Variants in TSPAN12 observed in about 807,000 individuals in gnomAD.
TSPAN12 encodes tetraspanin 12, also known as tetraspanin-12.
A neutral mutation model predicts 39.2 loss-of-function variants in TSPAN12; 19 were observed. That is an observed-to-expected ratio of 0.49 (90% CI 0.34 to 0.71). The LOEUF is 0.71. Ranked by LOEUF, TSPAN12 falls within the 30% of genes least tolerant of loss-of-function variation. The pLI is 0.01. For missense variants in TSPAN12, 314 were observed against 359.9 expected (o/e 0.87, Z 1.03); for synonymous variants, 119 against 124.8 (o/e 0.95, Z 0.31).
intron 6 of TSPAN12, 131 bp from the exon 7 acceptor site, chr7:120,806,823 C>T (rs1793884541): frequency 2.7e-6 from 3 of 1,109,548 alleles, no homozygotes; most frequent in Admixed American, 2.0e-5. Context: ...GATATATGTA[C>T]AGTCTATGTT....
At chr7:120,846,683 T>C (rs1044387864) in intron 2 of TSPAN12, among the ~76,000 whole-genome samples, 2 of 152,182 alleles carry the variant, frequency 1.3e-5, no homozygotes, top group African/African-American at 4.8e-5. Context: ...TGATGAACAG[T>C]AACAGACACT....
At chr7:120,790,821 T>C (rs1793507808) in intron 7 of TSPAN12, among the ~76,000 whole-genome samples, 1 of 152,236 alleles carries the variant, frequency 6.6e-6, no homozygotes, top group South Asian at 2.1e-4. Flanking sequence ...AAAATTAATT[T>C]GCATGGCAAC....
Position 120,788,377 on chromosome 7 carries a change from T to C in TSPAN12, c.*215A>G, listed in dbSNP as rs1309380433. On this transcript the variant is annotated 3_prime_UTR_variant, in exon 8 of 8. Coordinates refer to ENST00000222747, the MANE Select transcript of TSPAN12 (RefSeq NM_012338.4). ...GGCTACACAGTGGGTATGACATCTG[T>C]CTTCAGCATTTTAAGGGCATCAATT... 3.4e-6 allele frequency: 2 copies of C among 589,206 alleles called. No homozygotes were observed. The highest frequency in any genetic ancestry group is 3.0e-6 in the Non-Finnish European group (1 of 335,932). 36.5% of individuals were successfully genotyped at this position (589,206 alleles called of 1,614,324 possible). A position where few individuals can be genotyped will look rare whatever the true frequency, so the allele number is the denominator to read the frequency against.
chr7:120,820,286 A>G (rs367657414), intron 4 of TSPAN12, among the ~76,000 whole-genome samples: 15 of 152,224 alleles, frequency 9.9e-5, no homozygotes, highest in East Asian at 3.9e-4. Flanking sequence ...TCCTTGTGTC[A>G]GTTTGCTTAT....
intron 7 of TSPAN12, among the ~76,000 whole-genome samples, chr7:120,789,986 C>G (rs1229133727): frequency 6.6e-6 from 1 of 152,160 alleles, no homozygotes; most frequent in Non-Finnish European, 1.5e-5. Flanking sequence ...TTTTCATGCA[C>G]TATGCGAATG....
Position 120,787,729 on chromosome 7 carries a change from T to TTTC in TSPAN12, c.*860_*862dup, listed in dbSNP as rs1173059780. On this transcript the variant is annotated 3_prime_UTR_variant, in exon 8 of 8. Transcript: ENST00000222747. ...TGAATCAACTAAGTTATGTGCAAATTTTCTTATTAATACTTCCTAAAGACC... is the reference window on the plus strand; with the variant it reads ...TGAATCAACTAAGTTATGTGCAAATTTTCTTCTTATTAATACTTCCTAAAGACC... 2 of 152,208 alleles carry TTTC rather than the reference T, an allele frequency of 1.3e-5. No homozygotes were observed. Among genetic ancestry groups the TTTC allele is most frequent in the Non-Finnish European group, 2.9e-5 (2 of 68,002 alleles). 9.4% of individuals were successfully genotyped at this position (152,208 alleles called of 1,614,324 possible). A position where few individuals can be genotyped will look rare whatever the true frequency, so the allele number is the denominator to read the frequency against.
At chr7:120,802,973 T>C (rs1793803049) in intron 7 of TSPAN12, among the ~76,000 whole-genome samples, 1 of 152,224 alleles carries the variant, frequency 6.6e-6, no homozygotes, top group African/African-American at 2.4e-5. Context: ...TACTGAAGAA[T>C]GATTGCAGGA....
Position 120,818,218 on chromosome 7 carries a change from G to A in TSPAN12, c.286-2415C>T, listed in dbSNP as rs149784664. On this transcript the variant is annotated intron_variant, in intron 4 of 7. Transcript: ENST00000222747. ...TGGGGTACAGGGTATGCAAGTAGAC[G>A]TTATGATGTGCCAAGAAACAGATCA... Among the ~76,000 whole-genome samples the A allele has an allele frequency of 7.5e-4, 114 of 152,196 alleles. 2 individuals carry two copies. The East Asian group carries it at 0.02, about 26-fold the overall frequency.
intron 4 of TSPAN12, among the ~76,000 whole-genome samples, chr7:120,831,956 A>C (rs1794398208): frequency 6.6e-6 from 1 of 152,084 alleles, no homozygotes; most frequent in East Asian, 1.9e-4. Context: ...GATAATTACA[A>C]ATAAAAAATT....
chr7:120,796,832 T>C (rs1042947281), intron 7 of TSPAN12, among the ~76,000 whole-genome samples: 1 of 149,512 alleles, frequency 6.7e-6, no homozygotes, highest in East Asian at 1.9e-4. Flanking sequence ...TGTCCTCCAC[T>C]TGATCCACAG....
intron 4 of TSPAN12, among the ~76,000 whole-genome samples, chr7:120,831,160 G>A (rs1437824084): frequency 1.3e-5 from 2 of 151,994 alleles, no homozygotes; most frequent in Non-Finnish European, 2.9e-5. Context: ...ATGTTGGCAA[G>A]GCTGTGGGGG....
chr7:120,798,098 T>C (rs1163623321), intron 7 of TSPAN12, among the ~76,000 whole-genome samples: 4 of 152,186 alleles, frequency 2.6e-5, no homozygotes, highest in Non-Finnish European at 5.9e-5. Flanking sequence ...TTTGATTGAA[T>C]AGACAGAATA....
intron 7 of TSPAN12, among the ~76,000 whole-genome samples, chr7:120,799,455 A>G (rs1343427778): frequency 7.4e-6 from 1 of 135,652 alleles, no homozygotes; most frequent in Non-Finnish European, 1.5e-5. Context: ...ATTTATATAT[A>G]ATTTAATTAC....
intron 2 of TSPAN12, among the ~76,000 whole-genome samples, chr7:120,843,776 A>G (rs1414310615): frequency 6.6e-6 from 1 of 152,190 alleles, no homozygotes; most frequent in Non-Finnish European, 1.5e-5. Context: ...GAACATATTA[A>G]AACACACAGA....
intron 7 of TSPAN12, among the ~76,000 whole-genome samples, chr7:120,789,394 C>T (rs1367517729): frequency 2.6e-5 from 4 of 152,152 alleles, no homozygotes; most frequent in Admixed American, 2.0e-4. Flanking sequence ...ACAATGTTTA[C>T]GATTTAATAA....
chr7:120,806,460 A>T (rs975610569), intron 7 of TSPAN12, 89 bp downstream of exon 7: 4 of 1,484,892 alleles, frequency 2.7e-6, no homozygotes, highest in Non-Finnish European at 3.7e-6. Flanking sequence ...TAGACAGAGA[A>T]GGAAAATTTC....
chr7:120,833,395 CAACA>C (rs1288172941), intron 4 of TSPAN12, among the ~76,000 whole-genome samples: 38 of 150,714 alleles, frequency 2.5e-4, no homozygotes, highest in South Asian at 1.0e-3. Flanking sequence ...TGATTTTAAA[CAACA>C]AACAAACAAA....
chr7:120,857,292 G>C, intron 1 of TSPAN12: 1 of 227,886 alleles, frequency 4.4e-6, no homozygotes, highest in Non-Finnish European at 8.8e-6. Flanking sequence ...TTCTAGTTAG[G>C]ACAGTTCCTG....
intron 2 of TSPAN12, 45 bp from the exon 3 acceptor site, chr7:120,840,154 C>T (rs1794550874): frequency 7.5e-7 from 1 of 1,340,386 alleles, no homozygotes; most frequent in African/African-American, 1.4e-5. Context: ...ATTTACGTAA[C>T]ATTCACTGCA....
Sources: allele counts gnomAD v4.1 joint callset (sites outside exome capture counted in the v4.1 genomes callset), GRCh38; gene constraint gnomAD v4.1.1; transcripts MANE v1.5; gene names NCBI Gene and HGNC (gene_info 2026-07-23, HGNC 2026-07-21).